The following PCDH15 variants were observed in gnomAD, a reference collection of about 807,000 sequenced individuals.
PCDH15 encodes the protein protocadherin related 15, also known as protocadherin-15.
A neutral mutation model predicts 178.5 loss-of-function variants in PCDH15; 129 were observed. That is an observed-to-expected ratio of 0.72 (90% confidence interval 0.63 to 0.84). The LOEUF (loss-of-function observed/expected upper bound fraction) is 0.84. Among genes scored for constraint, PCDH15 ranks in the 40% least tolerant of loss-of-function variants. PCDH15 has a pLI of 0.00. For missense variants in PCDH15, 2,230 were observed against 2,099.9 expected (o/e 1.06, Z -1.21); for synonymous variants, 800 against 732.0 (o/e 1.09, Z -1.50).
chr10:53,945,605 AC>A (rs1390853488), intron 23 of PCDH15, among the ~76,000 whole-genome samples: 1 of 151,680 alleles, frequency 6.6e-6, no homozygotes, highest in African/African-American at 2.4e-5. Context: ...TTTACGCTCT[AC>A]TTTCATGAGT....
intron 2 of PCDH15, among the ~76,000 whole-genome samples, chr10:54,567,068 T>A (rs1304117607): frequency 6.6e-6 from 1 of 152,124 alleles, no homozygotes; most frequent in African/African-American, 2.4e-5. Flanking sequence ...TAAATTTATA[T>A]CCCCTTGATA....
intron 2 of PCDH15, among the ~76,000 whole-genome samples, chr10:55,478,380 G>T (rs1840105140): frequency 6.6e-6 from 1 of 151,416 alleles, no homozygotes; most frequent in Admixed American, 6.6e-5. Flanking sequence ...AAATTAACCA[G>T]CATAACTTGA....
chr10:55,471,126 G>T (rs1314749423), intron 2 of PCDH15, among the ~76,000 whole-genome samples: 3 of 152,036 alleles, frequency 2.0e-5, no homozygotes, highest in Admixed American at 6.6e-5. Flanking sequence ...TTAAACATCT[G>T]TACTGATTTT....
chr10:55,017,568 C>T (rs1024196386), intron 2 of PCDH15, among the ~76,000 whole-genome samples: 13 of 152,044 alleles, frequency 8.6e-5, no homozygotes, highest in Admixed American at 2.6e-4. Flanking sequence ...TATGTGAATG[C>T]TTAAATCCAA....
intron 3 of PCDH15, among the ~76,000 whole-genome samples, chr10:54,443,776 T>C (rs1454994851): frequency 1.1e-4 from 16 of 151,722 alleles, no homozygotes. Flanking sequence ...ATTTTCATTC[T>C]AGTGTTTATT....
chr10:54,279,051 T>C (rs746923745), intron 8 of PCDH15, among the ~76,000 whole-genome samples: 4 of 151,778 alleles, frequency 2.6e-5, no homozygotes, highest in Admixed American at 2.6e-4. Flanking sequence ...CCTTTTTACA[T>C]ATATTCCTGT....
At chr10:54,217,499 T>C (rs1221695859) in intron 9 of PCDH15, among the ~76,000 whole-genome samples, 1 of 152,182 alleles carries the variant, frequency 6.6e-6, no homozygotes, top group Non-Finnish European at 1.5e-5. Context: ...ATTCTATTCT[T>C]TTCAGTATTG....
intron 2 of PCDH15, among the ~76,000 whole-genome samples, chr10:55,407,105 G>A (rs924194575): frequency 2.0e-5 from 3 of 151,942 alleles, no homozygotes; most frequent in East Asian, 1.9e-4. Context: ...GATTGGAGAC[G>A]TGTAGGAGAG....
chr10:55,343,936 T>C (rs1844672186), intron 2 of PCDH15, among the ~76,000 whole-genome samples: 1 of 152,124 alleles, frequency 6.6e-6, no homozygotes, highest in South Asian at 2.1e-4. Context: ...ATATATTGAA[T>C]GATATTTGGC....
chr10:54,979,249 T>TA (rs1475354303), intron 2 of PCDH15, among the ~76,000 whole-genome samples: 1 of 152,132 alleles, frequency 6.6e-6, no homozygotes, highest in East Asian at 1.9e-4. Context: ...GAAATAGAAA[T>TA]AAAAGTTTAT....
chr10:55,050,827 A>G (rs1164907948), intron 2 of PCDH15, among the ~76,000 whole-genome samples: 1 of 152,118 alleles, frequency 6.6e-6, no homozygotes, highest in Non-Finnish European at 1.5e-5. Context: ...CAAATTCATG[A>G]TGAAAATTCA....
At chr10:53,898,511 A>ACC (rs1183009557) in intron 26 of PCDH15, among the ~76,000 whole-genome samples, 1 of 152,220 alleles carries the variant, frequency 6.6e-6, no homozygotes, top group Non-Finnish European at 1.5e-5. Flanking sequence ...AACTTCGTAG[A>ACC]ACCAGTTGTG....
chr10:54,451,695 T>G (rs2076490198), intron 3 of PCDH15, among the ~76,000 whole-genome samples: 1 of 151,928 alleles, frequency 6.6e-6, no homozygotes, highest in African/African-American at 2.4e-5. Flanking sequence ...TTATTCCAAC[T>G]CTAAAGTTTT....
chr10:54,461,419 T>A (rs1011937862), intron 3 of PCDH15, among the ~76,000 whole-genome samples: 1 of 152,150 alleles, frequency 6.6e-6, no homozygotes, highest in Admixed American at 6.6e-5. Flanking sequence ...AGCACTGCTG[T>A]TTATCACATC....
chr10:54,395,588 G>A (rs182943079), intron 3 of PCDH15, among the ~76,000 whole-genome samples: 1 of 151,614 alleles, frequency 6.6e-6, no homozygotes, highest in East Asian at 1.9e-4. Flanking sequence ...GTTATGCATC[G>A]TTTTGATTAA....
At chr10:53,946,761 A>G (rs2086608544) in intron 23 of PCDH15, among the ~76,000 whole-genome samples, 1 of 152,224 alleles carries the variant, frequency 6.6e-6, no homozygotes, top group Non-Finnish European at 1.5e-5. Flanking sequence ...TCATGAAGAT[A>G]TAAACTAATT....
chr10:55,171,071 T>C (rs955410233), intron 1 of PCDH15, among the ~76,000 whole-genome samples: 14 of 152,308 alleles, frequency 9.2e-5, no homozygotes, highest in African/African-American at 2.4e-4. Context: ...ACCTTAACTT[T>C]CTTCTCATTT....
chr10:55,564,734 C>T (rs1842267047), intron 2 of PCDH15, among the ~76,000 whole-genome samples: 1 of 151,482 alleles, frequency 6.6e-6, no homozygotes, highest in Admixed American at 6.6e-5. Flanking sequence ...ATAAAATAGA[C>T]TTTAAATAAC....
At chr10:54,260,349 G>GAGTTACCA (rs1399089769) in intron 8 of PCDH15, among the ~76,000 whole-genome samples, 1 of 150,590 alleles carries the variant, frequency 6.6e-6, no homozygotes, top group East Asian at 1.9e-4. Context: ...TATTTAACAT[G>GAGTTACCA]AGTTACCAAA....
Sources: allele counts gnomAD v4.1 joint callset (sites outside exome capture counted in the v4.1 genomes callset), GRCh38; gene constraint gnomAD v4.1.1; transcripts MANE v1.5; gene names NCBI Gene and HGNC (gene_info 2026-07-23, HGNC 2026-07-21).